LRP2: variants seen among roughly 807,000 people sequenced by gnomAD.
LRP2 encodes low-density lipoprotein receptor-related protein 2.
LRP2 carries 172 observed loss-of-function variants against 531.0 expected under a neutral mutation model. The observed-to-expected ratio is 0.32, with a 90% CI of 0.29 to 0.37. The LOEUF is 0.37. Ranked by LOEUF, LRP2 falls within the 10% of genes least tolerant of loss-of-function variation. LRP2 has a pLI of 1.00. For missense variants in LRP2, 5,167 were observed against 5,868.3 expected, an observed-to-expected ratio of 0.88 and a Z score of 3.90; for synonymous variants, 1,992 against 2,027.6, an observed-to-expected ratio of 0.98 and a Z score of 0.47.
At chr2:169,260,917 GT>G (rs1467846736) in intron 16 of LRP2, among the ~76,000 whole-genome samples, 17 of 151,906 alleles carry the variant, frequency 1.1e-4, no homozygotes, top group Non-Finnish European at 2.2e-4. Flanking sequence ...GGAGTATGCT[GT>G]CATGGAAGAA....
At chr2:169,308,631 T>A (rs1258743733) in intron 3 of LRP2, among the ~76,000 whole-genome samples, 3 of 152,212 alleles carry the variant, frequency 2.0e-5, no homozygotes, top group Non-Finnish European at 2.9e-5. Context: ...ATTGATGGAC[T>A]TTTGGGTTGG....
chr2:169,249,794 AGGAGCTGAT>A (rs1184476157), intron 19 of LRP2, among the ~76,000 whole-genome samples: 1 of 24,268 alleles, frequency 4.1e-5, no homozygotes, highest in Non-Finnish European at 6.5e-5. Context: ...AAGTGCTTAA[AGGAGCTGAT>A]GGAGCTGAAA....
At chr2:169,190,012 ACT>A (rs1687776484) in intron 48 of LRP2, among the ~76,000 whole-genome samples, 1 of 152,192 alleles carries the variant, frequency 6.6e-6, no homozygotes, top group African/African-American at 2.4e-5. Flanking sequence ...AAAGGAGATA[ACT>A]TGGAGTCTGA....
chr2:169,165,209 T>C (rs923394140), intron 62 of LRP2, among the ~76,000 whole-genome samples: 5 of 152,228 alleles, frequency 3.3e-5, no homozygotes, highest in Admixed American at 6.5e-5. Context: ...CCAGATAATG[T>C]CTTTTTGGGG....
intron 1 of LRP2, among the ~76,000 whole-genome samples, chr2:169,338,404 G>GA (rs764880300): frequency 0.039 from 4,004 of 102,548 alleles, 57 homozygotes; most frequent in East Asian, 0.067. Flanking sequence ...AAGAAAGAAA[G>GA]AAAGAAAAGA....
rs1422781671 is a variant in LRP2 at position 169,145,786 on chromosome 2, G to C, written c.12949C>G (p.Gln4317Glu). The change falls in exon 70 of 79, where the codon CAA becomes GAA. Residue 4317 changes from glutamine (Q) to glutamate (E), a missense_variant. By Grantham distance (29) the Gln-to-Glu change is conservative (BLOSUM62 2). Around this residue, in one of 6 missense-constraint regions of LRP2, gnomAD observed 564 missense variants for 747.7 expected, o/e 0.75. Transcript: ENST00000649046. ...KTLVVNPWLT[Q>E]VRIFHQLRYN... ...CTGAGTTGATGAAAGATTCGAACTT[G>C]AGTGAGCCAAGGGTTCACTACCAGC... The C allele has an allele frequency of 1.9e-6, 3 of 1,614,126 alleles. No individual in the cohort carries two copies. The highest frequency in any genetic ancestry group is 2.7e-5 in the African/African-American group (2 of 75,044).
At chr2:169,192,143 A>G (rs1021753529) in intron 47 of LRP2, 110 bp from the exon 48 acceptor site, 1 of 695,612 alleles carries the variant, frequency 1.4e-6, no homozygotes, top group Non-Finnish European at 2.4e-6. Flanking sequence ...AATGGGAGGA[A>G]AACACGTAGA....
intron 21 of LRP2, 109 bp from the exon 22 acceptor site, chr2:169,245,041 T>C (rs1689953946): frequency 1.7e-6 from 2 of 1,164,266 alleles, no homozygotes; most frequent in South Asian, 1.2e-5. Context: ...GCATTGTATA[T>C]AATAAGGAGA....
At chr2:169,181,343 G>C in intron 52 of LRP2, 105 bp downstream of exon 52, 1 of 1,144,402 alleles carries the variant, frequency 8.7e-7, no homozygotes, top group Non-Finnish European at 1.3e-6. Context: ...ACTTCCAACA[G>C]ACAGGCCAGT....
chr2:169,279,002 C>G (rs1683629066), intron 12 of LRP2, among the ~76,000 whole-genome samples: 1 of 152,168 alleles, frequency 6.6e-6, no homozygotes, highest in Non-Finnish European at 1.5e-5. Context: ...GAGTAATCAT[C>G]TTAATAATAA....
At chr2:169,171,034 T>C (rs1686985350) in intron 58 of LRP2, among the ~76,000 whole-genome samples, 1 of 148,542 alleles carries the variant, frequency 6.7e-6, no homozygotes, top group Admixed American at 6.9e-5. Flanking sequence ...TAGCTGGGAC[T>C]GCAGGTGTGT....
intron 9 of LRP2, among the ~76,000 whole-genome samples, chr2:169,283,352 C>T (rs831012): frequency 0.7 from 106,413 of 152,114 alleles, 37,419 homozygotes; most frequent in East Asian, 0.89. Context: ...TCCAACATGG[C>T]AGCCACTAAC....
intron 44 of LRP2, among the ~76,000 whole-genome samples, chr2:169,199,284 G>A (rs1688107526): frequency 6.6e-6 from 1 of 152,176 alleles, no homozygotes. Context: ...GATAAGTAAT[G>A]ACAGTATAAT....
At position 169,140,638 on chromosome 2, in the gene LRP2, G is replaced by A. The variant is rs911188783; in HGVS notation, c.13109-93C>T. 4.5e-6 allele frequency: 4 copies of A among 890,296 alleles called. No homozygotes were observed. In the African/African-American group the frequency reaches 4.8e-5, roughly 11 times the overall value. The allele number at this position is 890,296 out of a possible 1,614,324, so 55.1% of individuals were successfully genotyped here. On this transcript the variant is annotated intron_variant, in intron 71 of 78. Transcript: ENST00000649046. ...CCGGCCCAGGTTAGGGGTGGGAGGA[G>A]GGGCAGGCCAGCCAATTAGTCTCCC...
chr2:169,267,138 TCTCGGTTCCCAAAAATA>T (rs1320534218), intron 16 of LRP2, among the ~76,000 whole-genome samples: 1 of 151,796 alleles, frequency 6.6e-6, no homozygotes, highest in African/African-American at 2.4e-5. Context: ...AATCCTCCCG[TCTCGGTTCCCAAAAATA>T]ACGTGTTTCT....
intron 68 of LRP2, among the ~76,000 whole-genome samples, chr2:169,149,845 T>TAA (rs76608653): frequency 1.4e-5 from 2 of 138,134 alleles, no homozygotes; most frequent in African/African-American, 5.4e-5. Flanking sequence ...CCAAAAAAAT[T>TAA]AAAAAAAAAA....
rs370823033 is a variant in LRP2 at position 169,294,717 on chromosome 2, T to TAAAAA, written c.428-12_428-8dup. On this transcript the variant is annotated splice_polypyrimidine_tract_variant and splice_region_variant and intron_variant, in intron 4 of 78. Transcript: ENST00000649046. Reference sequence around the variant, plus strand: ...TGCTCACATGTTGGGTACTCTATTGTAAAAAAAAAAAAAAAAAAAAAAAGG... The same window carrying TAAAAA: ...TGCTCACATGTTGGGTACTCTATTGTAAAAAAAAAAAAAAAAAAAAAAAAAAAAGG... 14 of 743,178 alleles carry TAAAAA rather than the reference T, an allele frequency of 1.9e-5. No homozygotes were observed. The highest frequency in any genetic ancestry group is 4.7e-5 in the African/African-American group (2 of 42,222). 46.0% of individuals were successfully genotyped at this position (743,178 alleles called of 1,614,324 possible). A position where few individuals can be genotyped will look rare whatever the true frequency, so the allele number is the denominator to read the frequency against.
chr2:169,234,912 GTTT>G (rs35329615), intron 29 of LRP2, among the ~76,000 whole-genome samples: 9,785 of 144,990 alleles, frequency 0.067, 527 homozygotes, highest in African/African-American at 0.15. Context: ...GTTAATTTTT[GTTT>G]TTTTTTTTTT....
intron 1 of LRP2, among the ~76,000 whole-genome samples, chr2:169,324,468 T>C (rs1684989459): frequency 6.6e-6 from 1 of 152,174 alleles, no homozygotes; most frequent in African/African-American, 2.4e-5. Flanking sequence ...AGTAGTTTAC[T>C]TGGTGACTAA....
Sources: allele counts gnomAD v4.1 joint callset (sites outside exome capture counted in the v4.1 genomes callset), GRCh38; gene constraint gnomAD v4.1.1; regional missense constraint gnomAD v4.1.1; transcripts MANE v1.5; gene names NCBI Gene and HGNC (gene_info 2026-07-23, HGNC 2026-07-21).